Variants in ME1 observed in about 807,000 individuals in gnomAD.
ME1 encodes malic enzyme 1, also known as NADP-dependent malic enzyme.
ME1 carries 74 observed loss-of-function variants against 66.4 expected under a neutral mutation model. The ratio of observed to expected loss-of-function variants is 1.11; its 90% confidence interval spans 0.92 to 1.35. The LOEUF is 1.35. Among genes scored for constraint, ME1 ranks in the 40% most tolerant of loss-of-function variants. The pLI is 0.00. For synonymous variants in ME1, 251 were observed against 235.6 expected (o/e 1.07, Z -0.60); for missense variants, 750 against 694.1 (o/e 1.08, Z -0.90).
chr6:83,245,508 C>T (rs1790602437), intron 7 of ME1, among the ~76,000 whole-genome samples: 1 of 152,054 alleles, frequency 6.6e-6, no homozygotes, highest in Non-Finnish European at 1.5e-5. Flanking sequence ...CAGGTTCAAG[C>T]GATTCTCCTG....
At chr6:83,275,353 T>C (rs1368202969) in intron 6 of ME1, among the ~76,000 whole-genome samples, 2 of 40,520 alleles carry the variant, frequency 4.9e-5, no homozygotes, top group Non-Finnish European at 8.3e-5. Context: ...AACAAACAAA[T>C]AATAATAATA....
chr6:83,321,031 G>A (rs1223253695), intron 5 of ME1, among the ~76,000 whole-genome samples: 1 of 152,152 alleles, frequency 6.6e-6, no homozygotes, highest in Non-Finnish European at 1.5e-5. Context: ...GGGCATCGCT[G>A]CACCCAGGAA....
chr6:83,324,907 C>A (rs887714369), intron 5 of ME1, among the ~76,000 whole-genome samples: 2 of 152,046 alleles, frequency 1.3e-5, no homozygotes, highest in East Asian at 3.9e-4. Context: ...GGCAGAGACA[C>A]AACAAAACAA....
At chr6:83,257,254 G>T (rs1394115100) in intron 6 of ME1, among the ~76,000 whole-genome samples, 1 of 151,096 alleles carries the variant, frequency 6.6e-6, no homozygotes, top group African/African-American at 2.4e-5. Context: ...AAAATCAAAA[G>T]ACTTTTACTA....
At chr6:83,352,215 T>A (rs1395292440) in intron 3 of ME1, 76 bp from the exon 4 acceptor site, 7 of 924,942 alleles carry the variant, frequency 7.6e-6, no homozygotes, top group Non-Finnish European at 1.1e-5. Flanking sequence ...ATATCTTAAA[T>A]TTTTTTTCAA....
intron 3 of ME1, among the ~76,000 whole-genome samples, chr6:83,387,643 T>C (rs927246013): frequency 2.0e-5 from 3 of 152,154 alleles, no homozygotes; most frequent in African/African-American, 7.2e-5. Context: ...AAATAATGAA[T>C]ACTCTACTTC....
At chr6:83,329,647 GCATT>G (rs1768367425) in intron 5 of ME1, among the ~76,000 whole-genome samples, 1 of 152,038 alleles carries the variant, frequency 6.6e-6, no homozygotes, top group Non-Finnish European at 1.5e-5. Context: ...TTCTCAAGCA[GCATT>G]CATTTATATT....
chr6:83,356,338 C>T (rs1768888793), intron 3 of ME1, among the ~76,000 whole-genome samples: 1 of 151,800 alleles, frequency 6.6e-6, no homozygotes, highest in Admixed American at 6.6e-5. Flanking sequence ...ATTAGTGAGC[C>T]CTGTGAGTTA....
intron 5 of ME1, among the ~76,000 whole-genome samples, chr6:83,322,057 G>A (rs1343096541): frequency 1.3e-5 from 2 of 152,218 alleles, no homozygotes; most frequent in Non-Finnish European, 2.9e-5. Context: ...CTGCAGAAGA[G>A]GGGACTGACT....
At chr6:83,384,340 T>G (rs936656343) in intron 3 of ME1, among the ~76,000 whole-genome samples, 1 of 151,900 alleles carries the variant, frequency 6.6e-6, no homozygotes, top group African/African-American at 2.4e-5. Flanking sequence ...TCTGATTTTT[T>G]TTAACTTTTT....
chr6:83,357,647 C>A (rs1768914400), intron 3 of ME1, among the ~76,000 whole-genome samples: 1 of 151,982 alleles, frequency 6.6e-6, no homozygotes, highest in East Asian at 2.0e-4. Context: ...GGTGGACCCA[C>A]CCTTAATCTG....
At chr6:83,364,169 C>T (rs1769056209) in intron 3 of ME1, among the ~76,000 whole-genome samples, 1 of 152,074 alleles carries the variant, frequency 6.6e-6, no homozygotes, top group South Asian at 2.1e-4. Flanking sequence ...TAATCAGCTG[C>T]CAGCATGGCT....
intron 7 of ME1, among the ~76,000 whole-genome samples, chr6:83,250,919 T>C (rs28411981): frequency 6.6e-6 from 1 of 152,242 alleles, no homozygotes; most frequent in South Asian, 2.1e-4. Flanking sequence ...TCTGCTATTA[T>C]GGCATGAAAG....
intron 6 of ME1, among the ~76,000 whole-genome samples, chr6:83,278,188 A>G (rs1479050090): frequency 1.3e-5 from 2 of 152,188 alleles, no homozygotes; most frequent in African/African-American, 4.8e-5. Flanking sequence ...GTAGAAGCCC[A>G]GGAGCAGAAC....
At chr6:83,293,871 A>T (rs975917622) in intron 6 of ME1, among the ~76,000 whole-genome samples, 10 of 152,160 alleles carry the variant, frequency 6.6e-5, no homozygotes, top group African/African-American at 2.4e-4. Flanking sequence ...GAGCTACTAC[A>T]CTCATTTTAA....
At chr6:83,366,333 T>C (rs2128546672) in intron 3 of ME1, among the ~76,000 whole-genome samples, 1 of 152,294 alleles carries the variant, frequency 6.6e-6, no homozygotes, top group South Asian at 2.1e-4. Flanking sequence ...ATTCTCAATC[T>C]GAGTTTGGAA....
Position 83,346,736 on chromosome 6 carries a change from T to C in ME1, c.439-402A>G, listed in dbSNP as rs943377925. ...GTTACTGAAGAGATTGAGGAGGTTA[T>C]ATCTCTGCCCTAAATGCTCTGATCT... On this transcript the variant is annotated intron_variant, in intron 4 of 13. Transcript: ENST00000369705. Among the ~76,000 whole-genome samples, 29 of 152,302 alleles carry C rather than the reference T, an allele frequency of 1.9e-4. No individual in the cohort carries two copies. The East Asian group carries it at 5.6e-3, about 29-fold the overall frequency.
At chr6:83,230,135 T>TTTGTTG (rs371189967) in intron 9 of ME1, among the ~76,000 whole-genome samples, 4 of 151,698 alleles carry the variant, frequency 2.6e-5, no homozygotes, top group Admixed American at 1.3e-4. Context: ...TCTGTTTTTT[T>TTTGTTG]TTGTTGTTGT....
intron 3 of ME1, among the ~76,000 whole-genome samples, chr6:83,358,263 T>A (rs138173264): frequency 5.3e-5 from 8 of 152,154 alleles, no homozygotes; most frequent in African/African-American, 1.7e-4. Flanking sequence ...CACTCCCGAT[T>A]CATCACTCAT....
Sources: allele counts gnomAD v4.1 joint callset (sites outside exome capture counted in the v4.1 genomes callset), GRCh38; gene constraint gnomAD v4.1.1; transcripts MANE v1.5; gene names NCBI Gene and HGNC (gene_info 2026-07-23, HGNC 2026-07-21).